Variants in LIMCH1 observed in about 807,000 individuals in gnomAD.
The protein encoded by LIMCH1 is LIM and calponin homology domains-containing protein 1.
Under a neutral mutation model 176.5 loss-of-function variants are expected in LIMCH1, and 113 were observed. That is an observed-to-expected ratio of 0.64 (90% CI 0.55 to 0.75). The LOEUF (loss-of-function observed/expected upper bound fraction) is 0.75. Ranked by LOEUF, LIMCH1 falls within the 30% of genes least tolerant of loss-of-function variation. The pLI is 0.00. For missense variants in LIMCH1, 1,674 were observed against 1,814.9 expected (o/e 0.92, Z 1.41); for synonymous variants, 619 against 645.9 (o/e 0.96, Z 0.63).
chr4:41,639,714 C>CT lies in LIMCH1; in HGVS notation c.2126+755dup, dbSNP rs896825062. ...TTCTGCAACTGATATTCAAGGCAAA[C>CT]TTTTTTTTATTTGCAAAATGCTAGA... On this transcript the variant is annotated intron_variant, in intron 14 of 31. Transcript: ENST00000503057. 1.1e-3 allele frequency among the ~76,000 whole-genome samples: 167 copies of CT among 151,446 alleles called. 1 individual carries two copies. Among genetic ancestry groups the CT allele is most frequent in the Admixed American group, 1.9e-3 (29 of 15,202 alleles).
At chr4:41,661,098 C>T (rs933749179) in intron 18 of LIMCH1, among the ~76,000 whole-genome samples, 1 of 126,806 alleles carries the variant, frequency 7.9e-6, no homozygotes, top group African/African-American at 3.5e-5. Context: ...GACCCTAAGC[C>T]AGCTTGAAAG....
chr4:41,532,470 C>T (rs2077432451), intron 3 of LIMCH1, among the ~76,000 whole-genome samples: 1 of 152,184 alleles, frequency 6.6e-6, no homozygotes, highest in African/African-American at 2.4e-5. Context: ...TCAAAAGTAA[C>T]ATTTATCTCT....
At chr4:41,362,687 A>T (rs951727983) in intron 1 of LIMCH1, among the ~76,000 whole-genome samples, 2 of 152,258 alleles carry the variant, frequency 1.3e-5, no homozygotes, top group African/African-American at 4.8e-5. Context: ...GTACACCTCC[A>T]TGAATTTTGA....
At chr4:41,552,001 C>A (rs1185096976) in intron 1 of LIMCH1, among the ~76,000 whole-genome samples, 1 of 152,178 alleles carries the variant, frequency 6.6e-6, no homozygotes, top group African/African-American at 2.4e-5. Context: ...ACGAACAGTT[C>A]CGCATGGCTG....
intron 3 of LIMCH1, among the ~76,000 whole-genome samples, chr4:41,531,990 C>T (rs1320466419): frequency 1.4e-4 from 21 of 152,278 alleles, no homozygotes. Flanking sequence ...TTTAATGACA[C>T]ACTTTCCTTT....
In LIMCH1 at chr4:41,631,234, G is replaced by T. The variant is rs539198756; in HGVS notation, c.1358G>T (p.Arg453Leu). ...GCCATTCGTGATGACTTTGCCAACCGCAAAGCAAGGGCCTCTAAGAAAGCT... is the reference window on the plus strand; with the variant it reads ...GCCATTCGTGATGACTTTGCCAACCTCAAAGCAAGGGCCTCTAAGAAAGCT... ...ETAIRDDFAN[R>L]KARASKKASS... Residue 453 changes from arginine (R) to leucine (L), a missense_variant, in exon 10 of 32, where the codon CGC (arginine) becomes CTC (leucine). By Grantham distance (102) the Arg-to-Leu change is moderately radical. Coordinates refer to ENST00000503057, the MANE Select transcript of LIMCH1 (RefSeq NM_001330672.2). 27 of 1,535,950 alleles carry T rather than the reference G, an allele frequency of 1.8e-5. No individual in the cohort carries two copies. The highest frequency in any genetic ancestry group is 2.4e-5 in the Non-Finnish European group (27 of 1,146,902).
intron 21 of LIMCH1, among the ~76,000 whole-genome samples, chr4:41,670,252 T>C (rs2094966889): frequency 6.6e-6 from 1 of 152,194 alleles, no homozygotes; most frequent in African/African-American, 2.4e-5. Context: ...TCAACCTTTA[T>C]TTATACGTAC....
intron 1 of LIMCH1, among the ~76,000 whole-genome samples, chr4:41,403,268 A>T (rs908322789): frequency 6.6e-6 from 1 of 152,038 alleles, no homozygotes; most frequent in Admixed American, 6.6e-5. Context: ...GATGCAAAGA[A>T]CTATGTTGCT....
At chr4:41,576,254 A>C (rs2084443081) in intron 1 of LIMCH1, among the ~76,000 whole-genome samples, 1 of 152,170 alleles carries the variant, frequency 6.6e-6, no homozygotes, top group African/African-American at 2.4e-5. Flanking sequence ...AATGCTTTAA[A>C]CTTGCTCAAT....
chr4:41,409,566 C>T (rs1226019500), intron 1 of LIMCH1, among the ~76,000 whole-genome samples: 4 of 152,088 alleles, frequency 2.6e-5, no homozygotes, highest in Non-Finnish European at 5.9e-5. Context: ...AAAAAGCTGC[C>T]ATTTATACCT....
chr4:41,600,701 C>G (rs1405890893), intron 2 of LIMCH1, among the ~76,000 whole-genome samples: 1 of 151,952 alleles, frequency 6.6e-6, no homozygotes, highest in Non-Finnish European at 1.5e-5. Flanking sequence ...CCCATGTATT[C>G]ATCTAAAAAT....
At chr4:41,595,894 A>G (rs2088667899) in intron 1 of LIMCH1, among the ~76,000 whole-genome samples, 1 of 151,822 alleles carries the variant, frequency 6.6e-6, no homozygotes, top group South Asian at 2.1e-4. Context: ...TACTAAAAAT[A>G]CAGAAATTAG....
intron 1 of LIMCH1, among the ~76,000 whole-genome samples, chr4:41,407,478 C>T (rs967112101): frequency 1.3e-5 from 2 of 152,186 alleles, no homozygotes; most frequent in African/African-American, 2.4e-5. Context: ...GATCCTCCCG[C>T]CTTGGCCTCC....
chr4:41,624,969 C>T (rs914619689), intron 7 of LIMCH1, among the ~76,000 whole-genome samples: 3 of 152,138 alleles, frequency 2.0e-5, no homozygotes, highest in African/African-American at 4.8e-5. Flanking sequence ...TTCACATTGC[C>T]ACACTGTATT....
chr4:41,680,851 G>T, intron 24 of LIMCH1, 104 bp from the exon 25 acceptor site: 2 of 599,944 alleles, frequency 3.3e-6, no homozygotes, highest in Non-Finnish European at 6.1e-6. Context: ...CTGCTTGTTC[G>T]AACATATTCT....
At chr4:41,416,083 T>A (rs528426540) in intron 1 of LIMCH1, among the ~76,000 whole-genome samples, 12 of 152,294 alleles carry the variant, frequency 7.9e-5, no homozygotes, top group South Asian at 6.2e-4. Flanking sequence ...TAGTAAAGAT[T>A]TGTTGAGTGA....
In LIMCH1 at chr4:41,391,797, C is replaced by T. The variant is rs2057275746; in HGVS notation, c.96+30861C>T. ...GATGGAGACTAAGGGGTCATGATAACTAAATACAATATGGACATTAGTGGA... is the reference window on the plus strand; with the variant it reads ...GATGGAGACTAAGGGGTCATGATAATTAAATACAATATGGACATTAGTGGA... On this transcript the variant is annotated intron_variant, in intron 1 of 26. Transcript: ENST00000313860. Among the ~76,000 whole-genome samples, 3 of 152,056 alleles carry T rather than the reference C, an allele frequency of 2.0e-5. No homozygotes were observed. In the South Asian group the frequency reaches 6.2e-4, roughly 31 times the overall value.
chr4:41,398,814 C>A lies in LIMCH1; in HGVS notation c.96+37878C>A, dbSNP rs556430064. Among the ~76,000 whole-genome samples the A allele has an allele frequency of 2.0e-5, 3 of 152,292 alleles. No individual in the cohort carries two copies. In the South Asian group the frequency reaches 6.2e-4, roughly 32 times the overall value. ...CCCAAGTCTCCCATCCCAAGTGTCT[C>A]TTTGAGGTGGGATACTGACGAAGAC... On this transcript the variant is annotated intron_variant, in intron 1 of 26. Coordinates refer to the LIMCH1 transcript ENST00000313860.
chr4:41,587,507 G>A (rs775209525), intron 1 of LIMCH1, among the ~76,000 whole-genome samples: 1 of 152,162 alleles, frequency 6.6e-6, no homozygotes, highest in African/African-American at 2.4e-5. Flanking sequence ...CTCATGAACA[G>A]CAAGAGCCAA....
Sources: gnomAD v4.1 joint callset for allele counts (sites outside exome capture counted in the v4.1 genomes callset) on GRCh38, gnomAD v4.1.1 for gene constraint, MANE v1.5 for transcripts, NCBI Gene and HGNC (gene_info 2026-07-23, HGNC 2026-07-21) for gene names.